Variants in PTPRZ1 observed in about 807,000 individuals in gnomAD.
PTPRZ1 encodes receptor-type tyrosine-protein phosphatase zeta.
A neutral mutation model predicts 214.1 loss-of-function variants in PTPRZ1; 82 were observed. The ratio of observed to expected loss-of-function variants is 0.38; its 90% CI spans 0.32 to 0.46. The LOEUF (loss-of-function observed/expected upper bound fraction) is 0.46. Among genes scored for constraint, PTPRZ1 ranks in the 20% least tolerant of loss-of-function variants. The pLI is 1.00. For synonymous variants in PTPRZ1, 945 were observed against 987.9 expected, an observed-to-expected ratio of 0.96 and a Z score of 0.81; for missense variants, 2,603 against 2,748.7, an observed-to-expected ratio of 0.95 and a Z score of 1.19.
At chr7:121,942,757 T>G (rs976934346) in intron 2 of PTPRZ1, among the ~76,000 whole-genome samples, 1 of 152,238 alleles carries the variant, frequency 6.6e-6, no homozygotes, top group African/African-American at 2.4e-5. Context: ...GCAAGGTGTT[T>G]ATATAGATTA....
chr7:121,918,256 C>T (rs1795484729), intron 1 of PTPRZ1, among the ~76,000 whole-genome samples: 1 of 152,116 alleles, frequency 6.6e-6, no homozygotes. Flanking sequence ...TAGACAGTGA[C>T]ATTTGGGTTT....
At position 121,983,989 on chromosome 7, in the gene PTPRZ1, T is replaced by G; in HGVS notation, c.800T>G (p.Leu267Arg). The G allele has an allele frequency of 6.2e-7, 1 of 1,613,090 alleles. No individual in the cohort carries two copies. The highest frequency in any genetic ancestry group is 8.5e-7 in the Non-Finnish European group (1 of 1,179,684). ...CAGTTGGCTGTTTTTTGTGAAGTTC[T>G]TACAATGCAACAATCTGGTTATGTC... ...ESQLAVFCEVLTMQQSGYVML... is the reference protein window; with the variant it reads ...ESQLAVFCEVRTMQQSGYVML... The change falls in exon 8 of 30, where the codon CTT becomes CGT. Residue 267 changes from leucine (L) to arginine (R), a missense_variant. By Grantham distance (102) the Leu-to-Arg change is moderately radical. This residue lies in a region of PTPRZ1 where 244 missense variants were observed against 333.2 expected (regional missense o/e 0.73). Transcript: ENST00000393386.
chr7:121,927,865 T>C (rs1795809952), intron 1 of PTPRZ1, among the ~76,000 whole-genome samples: 1 of 152,208 alleles, frequency 6.6e-6, no homozygotes, highest in African/African-American at 2.4e-5. Flanking sequence ...CCAGTCCCTC[T>C]TTGGGGCTGA....
intron 11 of PTPRZ1, among the ~76,000 whole-genome samples, chr7:122,009,981 G>A (rs1456238137): frequency 6.6e-6 from 1 of 151,924 alleles, no homozygotes; most frequent in Non-Finnish European, 1.5e-5. Context: ...GATGCCTGAT[G>A]AACAAAGAAA....
intron 8 of PTPRZ1, among the ~76,000 whole-genome samples, chr7:121,986,464 GT>G (rs1797764933): frequency 6.6e-6 from 1 of 152,180 alleles, no homozygotes; most frequent in East Asian, 1.9e-4. Flanking sequence ...GATTTTGAGT[GT>G]TTTGTTTATC....
In PTPRZ1 at chr7:122,013,680, G is replaced by A. The variant is rs1406563725; in HGVS notation, c.4634G>A (p.Ser1545Asn). The A allele has an allele frequency of 6.2e-7, 1 of 1,614,204 alleles. No individual in the cohort carries two copies. Among genetic ancestry groups the A allele is most frequent in the South Asian group, 1.1e-5 (1 of 91,086 alleles). Residue 1545 changes from serine (S) to asparagine (N), a missense_variant, in exon 12 of 30, where the codon AGT (serine) becomes AAT (asparagine). Around this residue, in one of 6 missense-constraint regions of PTPRZ1, gnomAD observed 1,913 missense variants for 1,914.3 expected, o/e 1.00. Transcript: ENST00000393386. ...PESKAWAVLTSDEESGSGQGT... is the reference protein window; with the variant it reads ...PESKAWAVLTNDEESGSGQGT... ...TCTAAAGCATGGGCAGTTCTGACAA[G>A]TGATGAAGAAAGTGGATCAGGGCAA...
At chr7:121,897,873 T>C (rs1794839622) in intron 1 of PTPRZ1, among the ~76,000 whole-genome samples, 1 of 152,234 alleles carries the variant, frequency 6.6e-6, no homozygotes, top group Admixed American at 6.5e-5. Context: ...TATCCATTGA[T>C]GACTTATTAC....
chr7:121,995,764 T>C (rs997085473), intron 8 of PTPRZ1, among the ~76,000 whole-genome samples: 2 of 152,238 alleles, frequency 1.3e-5, no homozygotes, highest in African/African-American at 4.8e-5. Flanking sequence ...GAATTTTAAA[T>C]TAGTTCAAGG....
chr7:122,041,495 A>G (rs1296022905), intron 21 of PTPRZ1, among the ~76,000 whole-genome samples: 3 of 148,010 alleles, frequency 2.0e-5, no homozygotes, highest in Admixed American at 6.6e-5. Flanking sequence ...GAGTTTTAAT[A>G]CATTACATTG....
At chr7:122,032,598 C>G (rs1183892695) in intron 15 of PTPRZ1, among the ~76,000 whole-genome samples, 1 of 152,162 alleles carries the variant, frequency 6.6e-6, no homozygotes, top group African/African-American at 2.4e-5. Context: ...AAAATCCACT[C>G]TCTCCTGATT....
intron 2 of PTPRZ1, among the ~76,000 whole-genome samples, chr7:121,950,945 T>C (rs1430535222): frequency 1.3e-5 from 2 of 152,228 alleles, no homozygotes; most frequent in Non-Finnish European, 1.5e-5. Context: ...ATCAAAGTTA[T>C]AGATATGTAT....
intron 13 of PTPRZ1, among the ~76,000 whole-genome samples, chr7:122,019,935 G>A (rs1798965721): frequency 6.6e-6 from 1 of 152,094 alleles, no homozygotes; most frequent in Non-Finnish European, 1.5e-5. Context: ...GTATTTATGA[G>A]GAACATAGGT....
chr7:121,938,063 CTATT>C (rs990659025), intron 2 of PTPRZ1, among the ~76,000 whole-genome samples: 3 of 152,184 alleles, frequency 2.0e-5, no homozygotes, highest in East Asian at 1.9e-4. Flanking sequence ...TAATATCTAT[CTATT>C]TATCTATATA....
chr7:121,927,319 T>A (rs1176120763), intron 1 of PTPRZ1, among the ~76,000 whole-genome samples: 1 of 152,232 alleles, frequency 6.6e-6, no homozygotes, highest in Non-Finnish European at 1.5e-5. Flanking sequence ...GAAGTATTAA[T>A]GTTAGTACAG....
At chr7:122,044,719 T>TAAG in intron 23 of PTPRZ1, 151 bp downstream of exon 23, 1 of 772,138 alleles carries the variant, frequency 1.3e-6, no homozygotes, top group Non-Finnish European at 2.0e-6. Context: ...TGGGCTACAG[T>TAAG]GCCACATGGT....
intron 1 of PTPRZ1, among the ~76,000 whole-genome samples, chr7:121,883,514 T>G (rs1214119120): frequency 1.3e-5 from 2 of 152,234 alleles, no homozygotes; most frequent in Non-Finnish European, 2.9e-5. Context: ...GTCCATAAAC[T>G]AGCATCTTTG....
At chr7:121,973,939 A>G (rs1797343498) in intron 4 of PTPRZ1, among the ~76,000 whole-genome samples, 1 of 140,014 alleles carries the variant, frequency 7.1e-6, no homozygotes, top group South Asian at 2.4e-4. Context: ...GTCTCAAAAA[A>G]GAAAAAAAAA....
chr7:121,919,678 C>A (rs1220230465), intron 1 of PTPRZ1, among the ~76,000 whole-genome samples: 2 of 151,908 alleles, frequency 1.3e-5, no homozygotes, highest in Admixed American at 6.6e-5. Context: ...ATTTTTTTCA[C>A]AAATAGTGTT....
rs1792567609 is a variant in PTPRZ1 at position 122,061,228 on chromosome 7, A to T, written c.*8A>T. The T allele has an allele frequency of 2.5e-6, 4 of 1,578,764 alleles. No individual in the cohort carries two copies. The African/African-American group carries it at 5.4e-5, about 21-fold the overall frequency. On this transcript the variant is annotated 3_prime_UTR_variant, in exon 30 of 30. Transcript: ENST00000393386. ...TTAGAGTCTTTAGTTTAACACAGAA[A>T]GGGGTGGGGGAACTCACATCTGAGC...
Sources: allele counts gnomAD v4.1 joint callset (sites outside exome capture counted in the v4.1 genomes callset), GRCh38; gene constraint gnomAD v4.1.1; regional missense constraint gnomAD v4.1.1; transcripts MANE v1.5; gene names NCBI Gene and HGNC (gene_info 2026-07-23, HGNC 2026-07-21).